The following TAFA2 variants were observed in gnomAD, a reference collection of about 807,000 sequenced individuals.
TAFA2 encodes chemokine-like protein TAFA-2.
Under a neutral mutation model 18.8 loss-of-function variants are expected in TAFA2, and 7 were observed. The observed-to-expected ratio is 0.37, with a 90% CI of 0.21 to 0.70. TAFA2 has a LOEUF of 0.70. Among genes scored for constraint, TAFA2 ranks in the 30% least tolerant of loss-of-function variants. The probability of loss-of-function intolerance (pLI) is 0.53; values close to 1 mark genes in which losing one functional copy is unlikely to be tolerated. For synonymous variants in TAFA2, 60 were observed against 54.2 expected, an observed-to-expected ratio of 1.11 and a Z score of -0.47; for missense variants, 122 against 158.1, an observed-to-expected ratio of 0.77 and a Z score of 1.23.
chr12:61,873,145 T>C (rs1433523158), intron 1 of TAFA2, among the ~76,000 whole-genome samples: 1 of 152,158 alleles, frequency 6.6e-6, no homozygotes, highest in African/African-American at 2.4e-5. Context: ...AGAAGTTTTA[T>C]TACTTCTTTT....
At chr12:61,764,261 T>C (rs1279895489) in intron 2 of TAFA2, among the ~76,000 whole-genome samples, 1 of 151,820 alleles carries the variant, frequency 6.6e-6, no homozygotes, top group African/African-American at 2.4e-5. Flanking sequence ...GATAGATAGA[T>C]TTTTAATGGC....
At chr12:62,223,464 C>T (rs2062772802) in intron 1 of TAFA2, among the ~76,000 whole-genome samples, 2 of 152,048 alleles carry the variant, frequency 1.3e-5, no homozygotes, top group South Asian at 2.1e-4. Flanking sequence ...GACAACAGTG[C>T]CAAGACCATT....
At chr12:62,241,052 C>T (rs992907860) in intron 1 of TAFA2, among the ~76,000 whole-genome samples, 2 of 152,144 alleles carry the variant, frequency 1.3e-5, no homozygotes, top group African/African-American at 4.8e-5. Flanking sequence ...GTTTTAAAGG[C>T]TTATTCTGTC....
intron 2 of TAFA2, among the ~76,000 whole-genome samples, chr12:61,853,225 G>A (rs1406493631): frequency 1.3e-5 from 2 of 151,856 alleles, no homozygotes; most frequent in Non-Finnish European, 2.9e-5. Flanking sequence ...AAATACAAGA[G>A]GCAAAAATAA....
chr12:61,793,050 T>C lies in TAFA2; in HGVS notation c.107-38026A>G, dbSNP rs569990922. Among the ~76,000 whole-genome samples, 223 of 151,716 alleles carry C rather than the reference T, an allele frequency of 1.5e-3. 2 individuals are homozygous for C. Among genetic ancestry groups the C allele is most frequent in the African/African-American group, 4.8e-3 (199 of 41,496 alleles). On this transcript the variant is annotated intron_variant, in intron 2 of 4. Coordinates refer to ENST00000416284, the MANE Select transcript of TAFA2 (RefSeq NM_178539.5). Reference sequence around the variant, plus strand: ...TGAAATACGTTATAGAAAGGGAAATTAAAACTTGTTTTTAACTAAATTTTT... The same window carrying C: ...TGAAATACGTTATAGAAAGGGAAATCAAAACTTGTTTTTAACTAAATTTTT...
intron 1 of TAFA2, among the ~76,000 whole-genome samples, chr12:62,054,780 T>C (rs12823929): frequency 0.022 from 3,285 of 152,300 alleles, 54 homozygotes; most frequent in Admixed American, 0.031. Flanking sequence ...TGCATTGTTT[T>C]CTGGACTTGC....
intron 1 of TAFA2, among the ~76,000 whole-genome samples, chr12:61,915,348 C>T (rs1876779124): frequency 6.6e-6 from 1 of 152,170 alleles, no homozygotes; most frequent in Admixed American, 6.5e-5. Flanking sequence ...CCATATATTC[C>T]AGAAATCCTT....
At chr12:62,040,700 G>C (rs1881733654) in intron 1 of TAFA2, among the ~76,000 whole-genome samples, 1 of 152,054 alleles carries the variant, frequency 6.6e-6, no homozygotes, top group Non-Finnish European at 1.5e-5. Context: ...CCCACTTCTG[G>C]TACTTCATGA....
At chr12:62,014,633 A>G (rs1439454589) in intron 1 of TAFA2, among the ~76,000 whole-genome samples, 1 of 152,198 alleles carries the variant, frequency 6.6e-6, no homozygotes, top group Non-Finnish European at 1.5e-5. Flanking sequence ...CTCTGTCTCA[A>G]AAAAATAAAA....
At chr12:62,018,724 G>A (rs986367110) in intron 1 of TAFA2, among the ~76,000 whole-genome samples, 6 of 152,084 alleles carry the variant, frequency 3.9e-5, no homozygotes, top group Non-Finnish European at 8.8e-5. Flanking sequence ...AAAAACCCTA[G>A]AAGAAAACCT....
At chr12:62,080,798 A>G (rs561302367) in intron 1 of TAFA2, among the ~76,000 whole-genome samples, 234 of 152,324 alleles carry the variant, frequency 1.5e-3, no homozygotes, top group African/African-American at 5.5e-3. Context: ...AATGGTCTCA[A>G]CTTATCTTTC....
At chr12:62,182,263 A>C (rs889245710) in intron 1 of TAFA2, among the ~76,000 whole-genome samples, 1 of 152,170 alleles carries the variant, frequency 6.6e-6, no homozygotes, top group African/African-American at 2.4e-5. Flanking sequence ...TGGAGGAAAA[A>C]TATGTTCTCT....
intron 4 of TAFA2, among the ~76,000 whole-genome samples, chr12:61,724,772 T>C (rs1321849791): frequency 1.9e-5 from 2 of 107,218 alleles, no homozygotes; most frequent in Non-Finnish European, 3.6e-5. Flanking sequence ...TGTGTGTGTG[T>C]GTGTGTGTGT....
rs1170155483 is a variant in TAFA2 at position 61,894,544 on chromosome 12, A to G, written c.-1-27118T>C. 2.0e-5 allele frequency among the ~76,000 whole-genome samples: 3 copies of G among 152,230 alleles called. No individual in the cohort carries two copies. In the East Asian group the frequency reaches 5.8e-4, roughly 29 times the overall value. On this transcript the variant is annotated intron_variant, in intron 1 of 4. Coordinates refer to ENST00000416284, the MANE Select transcript of TAFA2 (RefSeq NM_178539.5). ...ACAGTAAAGACAATTGTTTAAAAAT[A>G]GATATAGTATCTTTAAAACATTTCT...
intron 1 of TAFA2, among the ~76,000 whole-genome samples, chr12:62,074,522 G>A (rs926181330): frequency 1.1e-4 from 17 of 151,908 alleles, no homozygotes; most frequent in South Asian, 4.2e-4. Context: ...CTACATTTTC[G>A]TTTAGCTAAC....
At chr12:61,886,455 A>G (rs1159784106) in intron 1 of TAFA2, among the ~76,000 whole-genome samples, 1 of 152,110 alleles carries the variant, frequency 6.6e-6, no homozygotes, top group East Asian at 1.9e-4. Context: ...ACGTTTCTTC[A>G]CACTGATTTC....
chr12:62,036,843 C>T (rs968184578), intron 1 of TAFA2, among the ~76,000 whole-genome samples: 3 of 152,186 alleles, frequency 2.0e-5, no homozygotes, highest in Non-Finnish European at 4.4e-5. Context: ...AGTCTCCTGG[C>T]TGTACTAACT....
At chr12:62,195,667 G>A (rs2062645759), upstream of TAFA2, among the ~76,000 whole-genome samples, 1 of 152,150 alleles carries the variant, frequency 6.6e-6, no homozygotes, top group African/African-American at 2.4e-5. Flanking sequence ...GAAGCCAGTA[G>A]CTCTCAACAG....
chr12:62,231,129 G>C (rs1250115048), intron 1 of TAFA2, among the ~76,000 whole-genome samples: 1 of 152,200 alleles, frequency 6.6e-6, no homozygotes. Flanking sequence ...ATTACTAAGA[G>C]CTGGGTGTTG....
Sources: gnomAD v4.1 joint callset for allele counts (sites outside exome capture counted in the v4.1 genomes callset) on GRCh38, gnomAD v4.1.1 for gene constraint, MANE v1.5 for transcripts, NCBI Gene and HGNC (gene_info 2026-07-23, HGNC 2026-07-21) for gene names.